Variants in GRIK3 observed in about 807,000 individuals in gnomAD.
GRIK3 encodes the protein glutamate ionotropic receptor kainate type subunit 3.
A neutral mutation model predicts 102.5 loss-of-function variants in GRIK3; 29 were observed. The observed-to-expected ratio is 0.28, with a 90% CI of 0.21 to 0.39. The LOEUF (loss-of-function observed/expected upper bound fraction) is 0.39. Ranked by LOEUF, GRIK3 falls within the 10% of genes least tolerant of loss-of-function variation. The pLI is 1.00. For synonymous variants in GRIK3, 511 were observed against 504.9 expected (o/e 1.01, Z -0.16); for missense variants, 908 against 1,252.4 (o/e 0.73, Z 4.15).
chr1:36,988,639 C>T (rs187733946), intron 1 of GRIK3, among the ~76,000 whole-genome samples: 8 of 152,328 alleles, frequency 5.3e-5, no homozygotes, highest in Non-Finnish European at 7.4e-5. Flanking sequence ...TCACAGAAAA[C>T]GCCAAGATTC....
chr1:36,912,334 G>T (rs1325038646), intron 1 of GRIK3, among the ~76,000 whole-genome samples: 1 of 152,120 alleles, frequency 6.6e-6, no homozygotes, highest in African/African-American at 2.4e-5. Flanking sequence ...GGGAGCTGGT[G>T]GATAAACGTC....
intron 11 of GRIK3, among the ~76,000 whole-genome samples, chr1:36,821,200 G>A (rs926609042): frequency 1.3e-5 from 2 of 152,116 alleles, no homozygotes; most frequent in African/African-American, 4.8e-5. Flanking sequence ...TTCATGAAGC[G>A]GGAAGATCCC....
chr1:36,929,276 G>C (rs1641562672), intron 1 of GRIK3, among the ~76,000 whole-genome samples: 2 of 152,118 alleles, frequency 1.3e-5, no homozygotes, highest in African/African-American at 4.8e-5. Flanking sequence ...AGCACCAGGA[G>C]TATAGGAGTG....
At chr1:36,886,616 A>ACAT (rs1641040176) in intron 2 of GRIK3, among the ~76,000 whole-genome samples, 1 of 152,234 alleles carries the variant, frequency 6.6e-6, no homozygotes, top group Admixed American at 6.5e-5. Flanking sequence ...CATCACAGGG[A>ACAT]CATTGAGGGT....
In GRIK3 at chr1:36,899,341, G is replaced by C. The variant is rs1641207670; in HGVS notation, c.116-8245C>G. ...CAATTAATATCCAGAACAATATCCA[G>C]AAAAGAAGGAAATTCGGACATATGT... On this transcript the variant is annotated intron_variant, in intron 1 of 15. Transcript: ENST00000373091. 2.6e-5 allele frequency among the ~76,000 whole-genome samples: 4 copies of C among 152,060 alleles called. No homozygotes were observed. In the South Asian group the frequency reaches 8.3e-4, roughly 31 times the overall value.
At chr1:37,032,458 G>A (rs1412258713) in intron 1 of GRIK3, among the ~76,000 whole-genome samples, 1 of 151,912 alleles carries the variant, frequency 6.6e-6, no homozygotes, top group Non-Finnish European at 1.5e-5. Context: ...GAAGGAGACA[G>A]GGAATAAAGG....
chr1:36,830,921 C>A (rs1640279077), intron 10 of GRIK3, among the ~76,000 whole-genome samples: 1 of 151,842 alleles, frequency 6.6e-6, no homozygotes, highest in African/African-American at 2.4e-5. Context: ...GCCAGAAGCA[C>A]CAGGGACTGC....
intron 13 of GRIK3, among the ~76,000 whole-genome samples, chr1:36,809,183 A>G (rs1642532319): frequency 6.6e-6 from 1 of 151,072 alleles, no homozygotes; most frequent in Non-Finnish European, 1.5e-5. Flanking sequence ...CCATCCACCC[A>G]CCCATCCATC....
intron 1 of GRIK3, among the ~76,000 whole-genome samples, chr1:36,980,870 C>T (rs1408845635): frequency 1.3e-5 from 2 of 152,148 alleles, no homozygotes; most frequent in East Asian, 1.9e-4. Flanking sequence ...AACTGCCTTG[C>T]CCTTTTATTT....
intron 13 of GRIK3, among the ~76,000 whole-genome samples, chr1:36,812,260 T>A (rs1642571046): frequency 6.6e-6 from 1 of 152,044 alleles, no homozygotes; most frequent in South Asian, 2.1e-4. Context: ...GCAAGGGGGA[T>A]GGCCTGACAA....
chr1:36,893,921 G>A (rs2124275735), intron 1 of GRIK3, among the ~76,000 whole-genome samples: 1 of 152,322 alleles, frequency 6.6e-6, no homozygotes, highest in South Asian at 2.1e-4. Context: ...AGGAACTTAT[G>A]TCTTTAACAT....
intron 1 of GRIK3, among the ~76,000 whole-genome samples, chr1:36,993,102 C>T (rs562209146): frequency 2.6e-5 from 4 of 152,194 alleles, no homozygotes; most frequent in South Asian, 4.2e-4. Context: ...TTCAATGGAT[C>T]AGCCATGGAA....
chr1:37,033,112 A>C (rs957566121), intron 1 of GRIK3, among the ~76,000 whole-genome samples: 1 of 152,192 alleles, frequency 6.6e-6, no homozygotes, highest in Non-Finnish European at 1.5e-5. Context: ...GGCCCGGGAC[A>C]TGCGCGGCGC....
intron 1 of GRIK3, among the ~76,000 whole-genome samples, chr1:37,010,603 C>G (rs574940367): frequency 2.0e-5 from 3 of 152,314 alleles, no homozygotes; most frequent in African/African-American, 7.2e-5. Context: ...CCAGCAGTCT[C>G]CAGTGTGCAG....
At chr1:36,866,938 G>A (rs2124247999) in intron 5 of GRIK3, among the ~76,000 whole-genome samples, 1 of 152,180 alleles carries the variant, frequency 6.6e-6, no homozygotes, top group East Asian at 1.9e-4. Context: ...GGGTGCTGGG[G>A]ACAGAGAGGT....
At position 36,806,579 on chromosome 1, in the gene GRIK3, G is replaced by A. The variant is rs1476408052; in HGVS notation, c.2092-253C>T. On this transcript the variant is annotated intron_variant, in intron 13 of 15. Coordinates refer to ENST00000373091, the MANE Select transcript of GRIK3 (RefSeq NM_000831.4). The surrounding 1 kb of genome is among the most constrained non-coding windows in gnomAD (Gnocchi z 4.0). The stretch of plus-strand genomic sequence containing the variant: ...CCTGGAAACCCTGGCCATGGCACAA[G>A]TGGTCTTCAAGCTGACTTTTTAAAC... Among the ~76,000 whole-genome samples the A allele has an allele frequency of 6.6e-6, 1 of 152,180 alleles. No homozygotes were observed. The highest frequency in any genetic ancestry group is 1.5e-5 in the Non-Finnish European group (1 of 68,028).
chr1:36,964,237 G>C (rs575443319), intron 1 of GRIK3, among the ~76,000 whole-genome samples: 3 of 152,336 alleles, frequency 2.0e-5, no homozygotes, highest in Admixed American at 6.5e-5. Flanking sequence ...TCCTCCTCCA[G>C]GTCTTGCCTG....
At position 36,880,290 on chromosome 1, in the gene GRIK3, G is replaced by C. The variant is rs555999529; in HGVS notation, c.550+344C>G. ...ATGTGTTTGCAGCAGATGGAAATGT[G>C]TGAGCGTAAGGGCATGGGCAGGTGT... is the stretch of plus-strand genomic sequence containing the variant. On this transcript the variant is annotated intron_variant, in intron 3 of 15. Coordinates refer to ENST00000373091, the MANE Select transcript of GRIK3 (RefSeq NM_000831.4). The surrounding 1 kb of genome is among the most constrained non-coding windows in gnomAD (Gnocchi z 5.4). 6.6e-6 allele frequency among the ~76,000 whole-genome samples: 1 copy of C among 152,298 alleles called. No homozygotes were observed. The highest frequency in any genetic ancestry group is 1.9e-4 in the East Asian group (1 of 5,174).
chr1:36,861,503 C>T (rs1393724511), intron 5 of GRIK3, among the ~76,000 whole-genome samples: 1 of 152,158 alleles, frequency 6.6e-6, no homozygotes, highest in South Asian at 2.1e-4. Flanking sequence ...TCTGTGACTG[C>T]CACCGTCATG....
Sources: allele counts gnomAD v4.1 joint callset (sites outside exome capture counted in the v4.1 genomes callset), GRCh38; gene constraint gnomAD v4.1.1; non-coding constraint Gnocchi (gnomAD v3.1); transcripts MANE v1.5; gene names NCBI Gene and HGNC (gene_info 2026-07-23, HGNC 2026-07-21).